The following ESRP1 variants were observed in gnomAD, a reference collection of about 807,000 sequenced individuals.
The protein encoded by ESRP1 is epithelial splicing regulatory protein 1, also known as RNA-binding motif protein 35A.
In ESRP1, 33 loss-of-function variants were observed where a neutral mutation model predicts 81.7. That is an observed-to-expected ratio of 0.40 (90% confidence interval 0.31 to 0.54). The LOEUF (loss-of-function observed/expected upper bound fraction) is 0.54, where lower values mean the gene tolerates loss of function less well. Ranked by LOEUF, ESRP1 falls within the 20% of genes least tolerant of loss-of-function variation. ESRP1 has a pLI of 0.41. For synonymous variants in ESRP1, 320 were observed against 303.3 expected (o/e 1.06, Z -0.57); for missense variants, 672 against 833.1 (o/e 0.81, Z 2.38).
At chr8:94,687,164 C>G (rs1243537694) in intron 13 of ESRP1, among the ~76,000 whole-genome samples, 1 of 152,200 alleles carries the variant, frequency 6.6e-6, no homozygotes, top group Non-Finnish European at 1.5e-5. Context: ...TATCTCTTCA[C>G]TGACCCCTCT....
intron 4 of ESRP1, among the ~76,000 whole-genome samples, chr8:94,657,355 T>C (rs946579590): frequency 3.9e-5 from 6 of 152,226 alleles, no homozygotes; most frequent in African/African-American, 9.6e-5. Flanking sequence ...TATATACTTA[T>C]AAATTGATAA....
chr8:94,706,449 G>T lies in ESRP1; in HGVS notation c.*560G>T, dbSNP rs1435941336. On this transcript the variant is annotated 3_prime_UTR_variant, in exon 16 of 16. Transcript: ENST00000433389. ...AAATTGTTATTTTCCCAGTCTCTTG[G>T]CCATGATGATATCTTATGATTAAAA... 1 of 152,778 alleles carries T rather than the reference G, an allele frequency of 6.5e-6. No homozygotes were observed. The highest frequency in any genetic ancestry group is 1.5e-5 in the Non-Finnish European group (1 of 68,478). 9.5% of individuals were successfully genotyped at this position (152,778 alleles called of 1,614,324 possible).
In ESRP1 at chr8:94,671,498, C is replaced by G. The variant is rs765225515; in HGVS notation, c.1279C>G (p.Pro427Ala). The G allele has an allele frequency of 5.0e-6, 8 of 1,613,728 alleles. No homozygotes were observed. The Admixed American group carries it at 1.0e-4, about 20-fold the overall frequency. The change falls in exon 11 of 16, where the codon CCT (proline) becomes GCT (alanine). Residue 427 changes from proline (P) to alanine (A), a missense_variant. Pro to Ala is a conservative substitution (Grantham distance 27, BLOSUM62 -1). Coordinates refer to ENST00000433389, the MANE Select transcript of ESRP1 (RefSeq NM_017697.4). ...GGCCCCTCTCATTCCACTTCCAACC[C>G]CTCCCATTATTCCAGTACTACCTCA... Reference protein sequence around the residue: ...SSAPLIPLPTPPIIPVLPQQF... With the variant: ...SSAPLIPLPTAPIIPVLPQQF...
Position 94,643,287 on chromosome 8 carries a change from T to C in ESRP1, c.262-16T>C. ...CGTGCATCAGTTGCATCCCTATGTGTATCTTGTTCTTGCAGTTTAACCAGT... is the reference window on the plus strand; with the variant it reads ...CGTGCATCAGTTGCATCCCTATGTGCATCTTGTTCTTGCAGTTTAACCAGT... On this transcript the variant is annotated splice_polypyrimidine_tract_variant and intron_variant, in intron 2 of 15. Transcript: ENST00000433389. 6.6e-7 allele frequency: 1 copy of C among 1,524,354 alleles called. No individual in the cohort carries two copies. The highest frequency in any genetic ancestry group is 9.1e-7 in the Non-Finnish European group (1 of 1,098,468). 94.4% of individuals were successfully genotyped at this position (1,524,354 alleles called of 1,614,324 possible). A position where few individuals can be genotyped will look rare whatever the true frequency, so the allele number is the denominator to read the frequency against.
intron 10 of ESRP1, among the ~76,000 whole-genome samples, chr8:94,670,343 TTGTTCTTCTAA>T (rs771204108): frequency 1.3e-5 from 2 of 152,230 alleles, no homozygotes; most frequent in African/African-American, 2.4e-5. Context: ...TTTTCTATTC[TTGTTCTTCTAA>T]TGTTTTTGCT....
intron 13 of ESRP1, among the ~76,000 whole-genome samples, chr8:94,687,090 T>C (rs1365449061): frequency 6.6e-6 from 1 of 152,198 alleles, no homozygotes; most frequent in African/African-American, 2.4e-5. Flanking sequence ...AATTTTAGAA[T>C]ATTATGTCAC....
intron 11 of ESRP1, among the ~76,000 whole-genome samples, chr8:94,672,708 T>C (rs763693312): frequency 2.6e-5 from 4 of 152,150 alleles, no homozygotes; most frequent in Non-Finnish European, 5.9e-5. Context: ...AATTTTGGTA[T>C]TTTTAGTAGA....
chr8:94,678,458 C>A, intron 13 of ESRP1, 87 bp downstream of exon 13: 3 of 1,473,992 alleles, frequency 2.0e-6, no homozygotes, highest in Admixed American at 2.1e-5. Flanking sequence ...AGAATATTGT[C>A]TGCCATGTTG....
intron 10 of ESRP1, 21 bp from the exon 11 acceptor site, chr8:94,671,432 T>G: frequency 6.2e-7 from 1 of 1,600,980 alleles, no homozygotes; most frequent in Non-Finnish European, 8.5e-7. Context: ...CTAAATTACT[T>G]CTGTTTTGCT....
rs143380262 is a variant in ESRP1, at chr8:94,699,304, T to C, written c.*35+2343T>C. ...TCCAGATGTCTGCATCTTTTCATCA[T>C]AATAAAGTCAGGTTAATGTGCCTCT... On this transcript the variant is annotated intron_variant, in intron 15 of 15. Coordinates refer to ENST00000433389, the MANE Select transcript of ESRP1 (RefSeq NM_017697.4). Among the ~76,000 whole-genome samples, 978 of 152,132 alleles carry C rather than the reference T, an allele frequency of 6.4e-3. 10 individuals carry two copies. Among genetic ancestry groups the C allele is most frequent in the African/African-American group, 0.022 (913 of 41,532 alleles).
chr8:94,662,165 C>G (rs1818780649), intron 4 of ESRP1, 107 bp from the exon 5 acceptor site: 1 of 652,196 alleles, frequency 1.5e-6, no homozygotes, highest in Non-Finnish European at 2.5e-6. Flanking sequence ...CTAAAGGAAG[C>G]TCAGCTAGAT....
At chr8:94,687,913 TGTTA>T (rs1809205422) in intron 13 of ESRP1, among the ~76,000 whole-genome samples, 1 of 152,208 alleles carries the variant, frequency 6.6e-6, no homozygotes. Flanking sequence ...TAATTTTGAT[TGTTA>T]GTTTATTCTT....
chr8:94,702,707 TCTC>T (rs1174856996), intron 15 of ESRP1, among the ~76,000 whole-genome samples: 4 of 152,094 alleles, frequency 2.6e-5, no homozygotes, highest in African/African-American at 9.7e-5. Context: ...ATGGTCTCAA[TCTC>T]CTGACCTCGT....
intron 4 of ESRP1, among the ~76,000 whole-genome samples, chr8:94,652,160 G>C (rs1818175396): frequency 6.6e-6 from 1 of 151,512 alleles, no homozygotes; most frequent in Admixed American, 6.6e-5. Context: ...GCTAATTTTT[G>C]TATTTTTAGT....
At chr8:94,642,932 A>G (rs571849783) in intron 2 of ESRP1, among the ~76,000 whole-genome samples, 1 of 152,236 alleles carries the variant, frequency 6.6e-6, no homozygotes, top group Non-Finnish European at 1.5e-5. Flanking sequence ...AGAAGCTGGC[A>G]TCTTTCTTAA....
chr8:94,655,675 T>G (rs1349612499), intron 4 of ESRP1, among the ~76,000 whole-genome samples: 1 of 152,070 alleles, frequency 6.6e-6, no homozygotes, highest in African/African-American at 2.4e-5. Context: ...GCAGATCACT[T>G]GAGCTCAGGA....
At position 94,697,945 on chromosome 8, in the gene ESRP1, T is replaced by C. The variant is rs569774464; in HGVS notation, c.*35+984T>C. On this transcript the variant is annotated intron_variant, in intron 15 of 15. Transcript: ENST00000433389. ...ACAGGCACCTGCCACCATGCCTGGC[T>C]TTTTTTTTGTATTTTTTAGTAGAGA... Among the ~76,000 whole-genome samples the C allele has an allele frequency of 4.0e-5, 6 of 151,198 alleles. 1 individual carries two copies. The South Asian group carries it at 1.3e-3, about 32-fold the overall frequency.
intron 13 of ESRP1, among the ~76,000 whole-genome samples, chr8:94,682,651 G>GTAAT (rs2130679597): frequency 6.6e-6 from 1 of 151,548 alleles, no homozygotes; most frequent in East Asian, 2.0e-4. Flanking sequence ...ACAGGTGTGA[G>GTAAT]CCACCATGCC....
At chr8:94,652,479 G>GTT (rs11390715) in intron 4 of ESRP1, among the ~76,000 whole-genome samples, 1,873 of 146,628 alleles carry the variant, frequency 0.013, 32 homozygotes, top group African/African-American at 0.044. Flanking sequence ...GGCTTCTGTG[G>GTT]TTTTTTTTTT....
Sources: allele counts gnomAD v4.1 joint callset (sites outside exome capture counted in the v4.1 genomes callset), GRCh38; gene constraint gnomAD v4.1.1; transcripts MANE v1.5; gene names NCBI Gene and HGNC (gene_info 2026-07-23, HGNC 2026-07-21).